The following GLIS3 variants were observed in gnomAD, a reference collection of about 807,000 sequenced individuals.
GLIS3 encodes zinc finger protein GLIS3.
In GLIS3, 53 loss-of-function variants were observed where a neutral mutation model predicts 78.6. The observed-to-expected ratio is 0.67, with a 90% CI of 0.54 to 0.85. The LOEUF is 0.85. Ranked by LOEUF, GLIS3 falls within the 40% of genes least tolerant of loss-of-function variation. The pLI, the probability that GLIS3 is intolerant of heterozygous loss-of-function variation, is 0.00. For missense variants in GLIS3, 1,703 were observed against 1,231.1 expected (o/e 1.38, Z -5.74); for synonymous variants, 684 against 509.9 (o/e 1.34, Z -4.60).
At chr9:4,204,288 A>G (rs1819654627) in intron 2 of GLIS3, among the ~76,000 whole-genome samples, 1 of 152,182 alleles carries the variant, frequency 6.6e-6, no homozygotes, top group Admixed American at 6.5e-5. Flanking sequence ...TCTTTCACAC[A>G]CACATCCCAA....
chr9:4,093,048 A>G (rs1829656337), intron 4 of GLIS3, among the ~76,000 whole-genome samples: 1 of 152,296 alleles, frequency 6.6e-6, no homozygotes, highest in African/African-American at 2.4e-5. Flanking sequence ...CCACTGTTGT[A>G]TGTGTACATA....
chr9:4,194,977 AT>A (rs147756067), intron 2 of GLIS3, among the ~76,000 whole-genome samples: 2,472 of 152,288 alleles, frequency 0.016, 93 homozygotes, highest in East Asian at 0.13. Flanking sequence ...CCACAAAGGC[AT>A]TTTAGTCTCA....
At chr9:4,435,979 C>A in the GLIS3 span, among the ~76,000 whole-genome samples, 3 of 145,208 alleles carry the variant, frequency 2.1e-5, no homozygotes, top group African/African-American at 4.9e-5. Flanking sequence ...AAAACAAAAA[C>A]AAACAAATAA....
At chr9:4,345,464 A>AGG (rs1297456685) in intron 2 of GLIS3, among the ~76,000 whole-genome samples, 1 of 152,180 alleles carries the variant, frequency 6.6e-6, no homozygotes, top group East Asian at 1.9e-4. Context: ...CAAGTTCATG[A>AGG]GGTCATTTTT....
At chr9:3,956,149 T>A (rs906722796) in intron 4 of GLIS3, among the ~76,000 whole-genome samples, 1 of 152,042 alleles carries the variant, frequency 6.6e-6, no homozygotes, top group Non-Finnish European at 1.5e-5. Flanking sequence ...TGGTCATTTA[T>A]AAGCTGACTT....
chr9:4,146,124 C>G (rs769273850), intron 2 of GLIS3, among the ~76,000 whole-genome samples: 39 of 152,164 alleles, frequency 2.6e-4, no homozygotes, highest in Non-Finnish European at 4.1e-4. Context: ...AAATTCAGTT[C>G]TTAACATATT....
intron 4 of GLIS3, among the ~76,000 whole-genome samples, chr9:3,988,597 G>A (rs1819964054): frequency 6.6e-6 from 1 of 151,960 alleles, no homozygotes; most frequent in South Asian, 2.1e-4. Flanking sequence ...ACCCAGACAG[G>A]CCCACATAAA....
intron 2 of GLIS3, chr9:4,285,759 A>T (rs1271359418): frequency 2.2e-6 from 1 of 447,968 alleles, no homozygotes; most frequent in Non-Finnish European, 4.1e-6. Flanking sequence ...TTCCACCACA[A>T]CCACTCAGCC....
intron 4 of GLIS3, among the ~76,000 whole-genome samples, chr9:4,005,326 T>C (rs1821456870): frequency 6.6e-6 from 1 of 152,212 alleles, no homozygotes; most frequent in Non-Finnish European, 1.5e-5. Flanking sequence ...TGTCCTGCCA[T>C]TCATTCATTC....
At chr9:4,303,704 T>G (rs1323932884), upstream of GLIS3, among the ~76,000 whole-genome samples, 1 of 152,208 alleles carries the variant, frequency 6.6e-6, no homozygotes, top group Non-Finnish European at 1.5e-5. Flanking sequence ...TATCTCTCAA[T>G]CTTGTCTAAT....
the GLIS3 span, chr9:4,386,665 C>G: frequency 6.6e-6 from 1 of 152,102 alleles, no homozygotes; most frequent in South Asian, 2.1e-4. Flanking sequence ...TTGAAATACC[C>G]CCTAGAGGAT....
chr9:4,207,937 A>C (rs1018487707), intron 2 of GLIS3, among the ~76,000 whole-genome samples: 1 of 152,196 alleles, frequency 6.6e-6, no homozygotes, highest in Admixed American at 6.5e-5. Flanking sequence ...CAGCTGCCCC[A>C]AAAATGCTAT....
intron 4 of GLIS3, among the ~76,000 whole-genome samples, chr9:4,110,131 C>A (rs368955779): frequency 6.6e-6 from 1 of 152,160 alleles, no homozygotes; most frequent in African/African-American, 2.4e-5. Context: ...AGTGATCAAA[C>A]GAATGAATCA....
chr9:3,887,197 T>C (rs1822138880), intron 7 of GLIS3, among the ~76,000 whole-genome samples: 1 of 152,068 alleles, frequency 6.6e-6, no homozygotes, highest in Non-Finnish European at 1.5e-5. Context: ...AATGAAACAA[T>C]CCCTTCTCAA....
intron 4 of GLIS3, among the ~76,000 whole-genome samples, chr9:4,114,406 CAG>C (rs764629684): frequency 6.6e-6 from 1 of 152,092 alleles, no homozygotes; most frequent in Admixed American, 6.5e-5. Context: ...GAACATGAAA[CAG>C]GGGTTTGGGA....
At chr9:4,372,291 T>C in the GLIS3 span, among the ~76,000 whole-genome samples, 1 of 152,186 alleles carries the variant, frequency 6.6e-6, no homozygotes, top group Non-Finnish European at 1.5e-5. Context: ...TTTTAATAAC[T>C]TTATTTTTTA....
chr9:4,298,879 C>T (rs894504625), intron 1 of GLIS3, among the ~76,000 whole-genome samples: 8 of 152,088 alleles, frequency 5.3e-5, no homozygotes, highest in Non-Finnish European at 8.8e-5. Flanking sequence ...GAGACACAGG[C>T]GTGGAAAACA....
intron 4 of GLIS3, among the ~76,000 whole-genome samples, chr9:4,067,374 T>A (rs1020421750): frequency 3.3e-5 from 5 of 152,134 alleles, no homozygotes; most frequent in Non-Finnish European, 7.3e-5. Context: ...GTTTGCCTCC[T>A]GATTGGAACC....
intron 4 of GLIS3, among the ~76,000 whole-genome samples, chr9:4,042,980 G>C (rs1316359828): frequency 1.3e-5 from 2 of 149,170 alleles, no homozygotes; most frequent in African/African-American, 2.5e-5. Context: ...CAGTGAAAAA[G>C]AGCGCAAACC....
Sources: gnomAD v4.1 joint callset for allele counts (sites outside exome capture counted in the v4.1 genomes callset) on GRCh38, gnomAD v4.1.1 for gene constraint, MANE v1.5 for transcripts, NCBI Gene and HGNC (gene_info 2026-07-23, HGNC 2026-07-21) for gene names.